Variants in LRP1B observed in about 807,000 individuals in gnomAD.
LRP1B encodes LDL receptor related protein 1B.
In LRP1B, 217 loss-of-function variants were observed where a neutral mutation model predicts 556.6. That is an observed-to-expected ratio of 0.39 (90% CI 0.35 to 0.44). The LOEUF is 0.44. LRP1B is among the 20% of genes least tolerant of loss of function. The pLI is 1.00. For missense variants in LRP1B, 5,053 were observed against 5,620.8 expected (o/e 0.90, Z 3.23); for synonymous variants, 2,047 against 1,865.8 (o/e 1.10, Z -2.50).
chr2:140,653,964 G>A (rs1376842240), intron 41 of LRP1B, among the ~76,000 whole-genome samples: 1 of 135,504 alleles, frequency 7.4e-6, no homozygotes, highest in Non-Finnish European at 1.5e-5. Context: ...GGTGGAGGTT[G>A]CAATGAGCCA....
intron 75 of LRP1B, among the ~76,000 whole-genome samples, chr2:140,353,676 C>A (rs1682077028): frequency 6.6e-6 from 1 of 152,026 alleles, no homozygotes; most frequent in South Asian, 2.1e-4. Flanking sequence ...TTAGTTTCTC[C>A]AGTTTTTGCT....
At chr2:141,081,960 C>A (rs982490286) in intron 7 of LRP1B, among the ~76,000 whole-genome samples, 2 of 151,916 alleles carry the variant, frequency 1.3e-5, no homozygotes, top group Non-Finnish European at 2.9e-5. Flanking sequence ...CCAATAGATA[C>A]AGTATTGTCA....
At chr2:141,510,770 A>G (rs1684099354) in intron 2 of LRP1B, among the ~76,000 whole-genome samples, 1 of 151,762 alleles carries the variant, frequency 6.6e-6, no homozygotes, top group South Asian at 2.1e-4. Flanking sequence ...GATTTCTTCC[A>G]TTATCCTGAC....
At chr2:140,578,069 T>C (rs763989491) in intron 43 of LRP1B, among the ~76,000 whole-genome samples, 160 of 152,340 alleles carry the variant, frequency 1.1e-3, no homozygotes, top group Non-Finnish European at 1.9e-3. Context: ...ATGTTCATGA[T>C]GCATATTTCT....
rs1573710772 is a variant in LRP1B, at chr2:140,781,882, C to T, written c.5360-5644G>A. ...GATTTTGTATTTAATGGTTGCTTTT[C>T]CTTATCGTTTCATTTGTACTAATTT... is the stretch of plus-strand genomic sequence containing the variant. On this transcript the variant is annotated intron_variant, in intron 32 of 90. Coordinates refer to ENST00000389484, the MANE Select transcript of LRP1B (RefSeq NM_018557.3). 3.3e-5 allele frequency among the ~76,000 whole-genome samples: 5 copies of T among 152,128 alleles called. No individual in the cohort carries two copies. In the East Asian group the frequency reaches 9.6e-4, roughly 29 times the overall value.
chr2:141,711,437 A>T (rs1032230907), intron 2 of LRP1B, among the ~76,000 whole-genome samples: 1 of 152,202 alleles, frequency 6.6e-6, no homozygotes, highest in Non-Finnish European at 1.5e-5. Context: ...TGAATTGCAG[A>T]GAAAGGCATA....
At chr2:141,599,046 C>T (rs1574123549) in intron 2 of LRP1B, among the ~76,000 whole-genome samples, 75 of 5,076 alleles carry the variant, frequency 0.015, no homozygotes, top group African/African-American at 0.053. Context: ...TTGTTCAACT[C>T]CCCCCCGCCC....
intron 29 of LRP1B, among the ~76,000 whole-genome samples, chr2:140,843,801 C>T (rs998619586): frequency 2.0e-5 from 3 of 152,102 alleles, no homozygotes; most frequent in South Asian, 4.1e-4. Flanking sequence ...CTCTTTTTAC[C>T]TAATGTAGTC....
chr2:142,124,194 C>A (rs2105017069), intron 1 of LRP1B, among the ~76,000 whole-genome samples: 1 of 151,874 alleles, frequency 6.6e-6, no homozygotes, highest in East Asian at 1.9e-4. Flanking sequence ...TTCCTCCCAC[C>A]CTCCCCCTTG....
intron 23 of LRP1B, among the ~76,000 whole-genome samples, chr2:140,888,531 AAATT>A (rs1693705830): frequency 1.3e-5 from 2 of 149,958 alleles, no homozygotes; most frequent in South Asian, 4.2e-4. Flanking sequence ...ATACATATAT[AAATT>A]AACAACAGGA....
At chr2:140,682,639 C>T (rs1685897961) in intron 41 of LRP1B, among the ~76,000 whole-genome samples, 1 of 151,362 alleles carries the variant, frequency 6.6e-6, no homozygotes, top group South Asian at 2.1e-4. Flanking sequence ...TTTGTGGGAA[C>T]TGGAAGACAC....
intron 33 of LRP1B, among the ~76,000 whole-genome samples, chr2:140,774,295 T>C (rs1294808082): frequency 2.6e-5 from 4 of 152,156 alleles, no homozygotes; most frequent in African/African-American, 7.2e-5. Context: ...GAGGTCCTTG[T>C]TCATTTGGCA....
chr2:140,602,740 AT>A (rs35024220), intron 41 of LRP1B, among the ~76,000 whole-genome samples: 61,911 of 151,324 alleles, frequency 0.41, 12,901 homozygotes, highest in Middle Eastern at 0.5. Context: ...TTTTTTTCAT[AT>A]TTTTTTATTT....
intron 7 of LRP1B, among the ~76,000 whole-genome samples, chr2:141,088,582 A>G (rs537019289): frequency 6.6e-6 from 1 of 152,282 alleles, no homozygotes; most frequent in African/African-American, 2.4e-5. Flanking sequence ...TGAGGCACTT[A>G]TATTTCCTCC....
chr2:141,146,604 G>A (rs932309580), intron 7 of LRP1B, among the ~76,000 whole-genome samples: 1 of 152,148 alleles, frequency 6.6e-6, no homozygotes. Flanking sequence ...TTATTAAAGG[G>A]TAAGTGATAA....
At chr2:140,716,195 C>T (rs1185195798) in intron 36 of LRP1B, 93 bp from the exon 37 acceptor site, 2 of 913,812 alleles carry the variant, frequency 2.2e-6, no homozygotes, top group East Asian at 5.0e-5. Context: ...ATTCACATAA[C>T]TATCAAGAAA....
At chr2:140,985,516 CAT>C (rs2105347718) in intron 17 of LRP1B, among the ~76,000 whole-genome samples, 1 of 151,734 alleles carries the variant, frequency 6.6e-6, no homozygotes, top group African/African-American at 2.4e-5. Context: ...TACGAGGAAA[CAT>C]AATTTCAAAT....
chr2:142,019,954 A>G (rs1703280236), intron 1 of LRP1B, among the ~76,000 whole-genome samples: 1 of 152,162 alleles, frequency 6.6e-6, no homozygotes, highest in Non-Finnish European at 1.5e-5. Flanking sequence ...TACAATTTCT[A>G]ATTACTTCCC....
At chr2:141,297,429 T>C (rs955561239) in intron 3 of LRP1B, among the ~76,000 whole-genome samples, 11 of 152,220 alleles carry the variant, frequency 7.2e-5, no homozygotes, top group Middle Eastern at 3.2e-3. Flanking sequence ...GTTGAAGTGC[T>C]TTTTAATTTT....
Sources: gnomAD v4.1 joint callset for allele counts (sites outside exome capture counted in the v4.1 genomes callset) on GRCh38, gnomAD v4.1.1 for gene constraint, MANE v1.5 for transcripts, NCBI Gene and HGNC (gene_info 2026-07-23, HGNC 2026-07-21) for gene names.